Variants in KCNK13 observed in about 807,000 individuals in gnomAD.
KCNK13 encodes the protein potassium two pore domain channel subfamily K member 13.
KCNK13 carries 12 observed loss-of-function variants against 23.4 expected under a neutral mutation model. The observed-to-expected ratio is 0.51, with a 90% CI of 0.33 to 0.83. The LOEUF (loss-of-function observed/expected upper bound fraction) is 0.83. Ranked by LOEUF, KCNK13 falls within the 40% of genes least tolerant of loss-of-function variation. The probability of loss-of-function intolerance (pLI) is 0.02; values close to 1 mark genes in which losing one functional copy is unlikely to be tolerated. For synonymous variants in KCNK13, 231 were observed against 229.5 expected (o/e 1.01, Z -0.06); for missense variants, 463 against 556.3 (o/e 0.83, Z 1.69).
chr14:90,093,573 G>T (rs1431975726), intron 1 of KCNK13, among the ~76,000 whole-genome samples: 1 of 152,136 alleles, frequency 6.6e-6, no homozygotes, highest in Non-Finnish European at 1.5e-5. Flanking sequence ...GTCCTCCCCA[G>T]CGTGCCCAGC....
chr14:90,125,588 AAC>A (rs1386851406), intron 1 of KCNK13, among the ~76,000 whole-genome samples: 43 of 110,370 alleles, frequency 3.9e-4, no homozygotes, highest in South Asian at 3.1e-4. Context: ...GAAGTGCGTA[AAC>A]ACACACACGC....
At chr14:90,111,399 G>A (rs537328152) in intron 1 of KCNK13, among the ~76,000 whole-genome samples, 64 of 152,288 alleles carry the variant, frequency 4.2e-4, no homozygotes, top group Non-Finnish European at 7.5e-4. Context: ...ACAGAGAAGA[G>A]GACCTCTCCT....
chr14:90,147,505 A>G (rs1890087064), intron 1 of KCNK13, among the ~76,000 whole-genome samples: 1 of 152,182 alleles, frequency 6.6e-6, no homozygotes, highest in South Asian at 2.1e-4. Context: ...GAAAAATATT[A>G]ACATTTTAAT....
intron 1 of KCNK13, among the ~76,000 whole-genome samples, chr14:90,180,277 G>T (rs980866195): frequency 1.3e-5 from 2 of 152,134 alleles, no homozygotes; most frequent in East Asian, 3.9e-4. Flanking sequence ...CAGAGGAAAG[G>T]CCTTTGATAA....
intron 1 of KCNK13, among the ~76,000 whole-genome samples, chr14:90,073,922 A>G (rs1889105689): frequency 6.7e-6 from 1 of 149,536 alleles, no homozygotes; most frequent in Admixed American, 6.7e-5. Flanking sequence ...TGCTCTGCCC[A>G]CCTCAGCCAC....
At chr14:90,112,603 A>G (rs561725269) in intron 1 of KCNK13, among the ~76,000 whole-genome samples, 2 of 152,376 alleles carry the variant, frequency 1.3e-5, no homozygotes, top group South Asian at 2.1e-4. Flanking sequence ...TAAACATGGT[A>G]AAGTTGAAAA....
rs8021167 is a variant in KCNK13 at position 90,168,260 on chromosome 14, G to C, written c.335-15851G>C. Among the ~76,000 whole-genome samples, 1,316 of 152,136 alleles carry C rather than the reference G, an allele frequency of 8.7e-3. 26 individuals carry two copies. Among genetic ancestry groups the C allele is most frequent in the African/African-American group, 0.03 (1,242 of 41,484 alleles). Reference sequence around the variant, plus strand: ...ATGGTGGTGTGTGCCTGTAGTCCCAGCTACTGAGGCTGAGGTGGAAGGATT... The same window carrying C: ...ATGGTGGTGTGTGCCTGTAGTCCCACCTACTGAGGCTGAGGTGGAAGGATT... On this transcript the variant is annotated intron_variant, in intron 1 of 1. Transcript: ENST00000282146.
At chr14:90,073,775 A>C (rs1242010323) in intron 1 of KCNK13, among the ~76,000 whole-genome samples, 1 of 151,018 alleles carries the variant, frequency 6.6e-6, no homozygotes, top group Non-Finnish European at 1.5e-5. Flanking sequence ...GGTTCAAGCA[A>C]TTCTCCTGCC....
intron 1 of KCNK13, among the ~76,000 whole-genome samples, chr14:90,147,669 C>G (rs1479382612): frequency 6.6e-6 from 1 of 152,036 alleles, no homozygotes; most frequent in East Asian, 1.9e-4. Context: ...CATCTCTGTC[C>G]ATGAGATATT....
intron 1 of KCNK13, among the ~76,000 whole-genome samples, chr14:90,160,277 G>A (rs1798558802): frequency 6.6e-6 from 1 of 152,126 alleles, no homozygotes; most frequent in Admixed American, 6.5e-5. Context: ...TCTTCCTGTT[G>A]CACCTGCCCT....
intron 1 of KCNK13, among the ~76,000 whole-genome samples, chr14:90,140,695 T>C (rs1230042538): frequency 6.6e-6 from 1 of 152,162 alleles, no homozygotes; most frequent in Non-Finnish European, 1.5e-5. Flanking sequence ...CCCGTAGAGT[T>C]TGCGGGTTAA....
At chr14:90,087,810 A>C (rs1018879175) in intron 1 of KCNK13, among the ~76,000 whole-genome samples, 1 of 152,106 alleles carries the variant, frequency 6.6e-6, no homozygotes, top group Non-Finnish European at 1.5e-5. Context: ...GACTTTGTTC[A>C]GAGTTCCCGC....
Position 90,108,278 on chromosome 14 carries a change from C to T in KCNK13, c.334+45739C>T, listed in dbSNP as rs552068307. ...CCTCAATTGTTCTTTCTCTTTGGCA[C>T]GCGTTTCTTACTGTTCTCCACGTGT... is the stretch of plus-strand genomic sequence containing the variant. On this transcript the variant is annotated intron_variant, in intron 1 of 1. Coordinates refer to ENST00000282146, the MANE Select transcript of KCNK13 (RefSeq NM_022054.4). Among the ~76,000 whole-genome samples, 97 of 152,258 alleles carry T rather than the reference C, an allele frequency of 6.4e-4. No individual in the cohort carries two copies. The South Asian group carries it at 9.8e-3, about 15-fold the overall frequency.
intron 1 of KCNK13, among the ~76,000 whole-genome samples, chr14:90,157,921 G>A (rs755512851): frequency 6.6e-6 from 1 of 152,014 alleles, no homozygotes; most frequent in South Asian, 2.1e-4. Flanking sequence ...GGCTGGTCTC[G>A]AGCTCCTGAT....
chr14:90,142,313 C>CTTTTTTTTTTTTTTTTTT (rs59863610), intron 1 of KCNK13, among the ~76,000 whole-genome samples: 2 of 85,252 alleles, frequency 2.3e-5, no homozygotes, highest in African/African-American at 5.1e-5. Flanking sequence ...CTGTCCAATT[C>CTTTTTTTTTTTTTTTTTT]TTTTTTTTTT....
chr14:90,091,711 G>A (rs1566949919), intron 1 of KCNK13, among the ~76,000 whole-genome samples: 2 of 151,226 alleles, frequency 1.3e-5, no homozygotes, highest in South Asian at 4.2e-4. Context: ...TCTCGGTGGG[G>A]TAGAGTGCTC....
chr14:90,072,084 T>C (rs2140389726), intron 1 of KCNK13, among the ~76,000 whole-genome samples: 1 of 152,268 alleles, frequency 6.6e-6, no homozygotes, highest in East Asian at 1.9e-4. Context: ...GGCACCTCTG[T>C]CACAACCCGG....
intron 1 of KCNK13, among the ~76,000 whole-genome samples, chr14:90,113,028 C>A (rs10148654): frequency 6.6e-6 from 1 of 151,512 alleles, no homozygotes; most frequent in Non-Finnish European, 1.5e-5. Context: ...ATCCTTTCAC[C>A]CCAACCTCCT....
intron 1 of KCNK13, among the ~76,000 whole-genome samples, chr14:90,166,771 T>A (rs1890308524): frequency 6.6e-6 from 1 of 151,848 alleles, no homozygotes. Context: ...GCCTGGCCTG[T>A]GGAAGGAGAG....
Sources: allele counts gnomAD v4.1 joint callset (sites outside exome capture counted in the v4.1 genomes callset), GRCh38; gene constraint gnomAD v4.1.1; transcripts MANE v1.5; gene names NCBI Gene and HGNC (gene_info 2026-07-23, HGNC 2026-07-21).